CCDC171: variants seen among roughly 807,000 people sequenced by gnomAD.
CCDC171 encodes coiled-coil domain containing 171.
A neutral mutation model predicts 168.2 loss-of-function variants in CCDC171; 177 were observed. The ratio of observed to expected loss-of-function variants is 1.05; its 90% CI spans 0.93 to 1.19. The LOEUF (loss-of-function observed/expected upper bound fraction) is 1.19, where lower values mean the gene tolerates loss of function less well. CCDC171 is among the 50% of genes most tolerant of loss of function. CCDC171 has a pLI of 0.00. For missense variants in CCDC171, 1,991 were observed against 1,539.0 expected (o/e 1.29, Z -4.91); for synonymous variants, 687 against 540.8 (o/e 1.27, Z -3.75).
At chr9:15,877,862 C>A (rs1009385695) in intron 24 of CCDC171, among the ~76,000 whole-genome samples, 1 of 152,048 alleles carries the variant, frequency 6.6e-6, no homozygotes, top group Non-Finnish European at 1.5e-5. Context: ...TAATAACTGG[C>A]AAATATTAGT....
At chr9:15,895,465 C>G (rs923274768) in intron 24 of CCDC171, among the ~76,000 whole-genome samples, 17 of 152,084 alleles carry the variant, frequency 1.1e-4, no homozygotes, top group African/African-American at 3.9e-4. Context: ...CAGAGGTGGA[C>G]TGCCTGAATT....
chr9:15,624,957 C>G (rs1314438431), intron 7 of CCDC171, among the ~76,000 whole-genome samples: 1 of 152,194 alleles, frequency 6.6e-6, no homozygotes, highest in Non-Finnish European at 1.5e-5. Context: ...CCTATTTCTC[C>G]ACATCCTCTC....
intron 18 of CCDC171, among the ~76,000 whole-genome samples, chr9:15,766,728 T>C (rs1202880372): frequency 6.7e-6 from 1 of 150,322 alleles, no homozygotes; most frequent in Non-Finnish European, 1.5e-5. Context: ...CAATCATAGC[T>C]CACTGCAGCT....
intron 7 of CCDC171, among the ~76,000 whole-genome samples, chr9:15,640,348 T>C (rs974389588): frequency 2.6e-5 from 4 of 152,092 alleles, no homozygotes; most frequent in Non-Finnish European, 5.9e-5. Context: ...GAGTTGTTTT[T>C]CTAATGTACT....
the CCDC171 span, among the ~76,000 whole-genome samples, chr9:16,096,842 G>A: frequency 1.3e-5 from 2 of 152,186 alleles, no homozygotes; most frequent in Non-Finnish European, 2.9e-5. Flanking sequence ...ACACTTTGTA[G>A]ATAGTACTTT....
At chr9:15,953,470 G>T (rs1487433263) in intron 25 of CCDC171, among the ~76,000 whole-genome samples, 2 of 152,072 alleles carry the variant, frequency 1.3e-5, no homozygotes, top group African/African-American at 4.8e-5. Flanking sequence ...TGTTACTGTG[G>T]TGTATCACAT....
chr9:15,819,488 G>T (rs530325632), intron 21 of CCDC171, among the ~76,000 whole-genome samples: 1 of 117,208 alleles, frequency 8.5e-6, no homozygotes, highest in Admixed American at 8.1e-5. Flanking sequence ...TAAAGGGATG[G>T]AGGAAGATCT....
At chr9:15,661,114 A>C (rs554022657) in intron 8 of CCDC171, among the ~76,000 whole-genome samples, 1 of 152,166 alleles carries the variant, frequency 6.6e-6, no homozygotes, top group Non-Finnish European at 1.5e-5. Context: ...CCCCATCCCT[A>C]CTAAAAATAC....
At chr9:16,092,853 AGCT>A in the CCDC171 span, among the ~76,000 whole-genome samples, 2 of 151,980 alleles carry the variant, frequency 1.3e-5, no homozygotes, top group Non-Finnish European at 2.9e-5. Context: ...GGTGGGTGGG[AGCT>A]GGCTGAAGCC....
At chr9:15,992,782 C>T (rs191082256) in intron 3 of CCDC171, among the ~76,000 whole-genome samples, 1 of 152,276 alleles carries the variant, frequency 6.6e-6, no homozygotes, top group East Asian at 1.9e-4. Flanking sequence ...AAATCACAAG[C>T]ATTCTTATAC....
In CCDC171 at chr9:15,643,201, A is replaced by G. The variant is rs549725923; in HGVS notation, c.823-13926A>G. On this transcript the variant is annotated intron_variant, in intron 7 of 25. Transcript: ENST00000380701. ...TCATTTATTCTCAATCCTATGGGCTATTTCCTTGTGACTGGCTAGACTTTT... is the reference window on the plus strand; with the variant it reads ...TCATTTATTCTCAATCCTATGGGCTGTTTCCTTGTGACTGGCTAGACTTTT... Among the ~76,000 whole-genome samples the G allele has an allele frequency of 2.6e-5, 4 of 152,114 alleles. No individual in the cohort carries two copies. In the East Asian group the frequency reaches 7.7e-4, roughly 29 times the overall value.
intron 8 of CCDC171, among the ~76,000 whole-genome samples, chr9:15,659,387 T>C (rs1350326871): frequency 6.6e-6 from 1 of 152,220 alleles, no homozygotes; most frequent in African/African-American, 2.4e-5. Context: ...TTTGATAATA[T>C]GCTTTAAAAT....
intron 24 of CCDC171, chr9:15,874,912 A>G: frequency 7.3e-6 from 2 of 273,398 alleles, no homozygotes; most frequent in Non-Finnish European, 1.3e-5. Flanking sequence ...GTTTTATGGC[A>G]AAGTACAGTA....
At chr9:15,674,875 T>C (rs1473491307) in intron 9 of CCDC171, among the ~76,000 whole-genome samples, 2 of 152,186 alleles carry the variant, frequency 1.3e-5, no homozygotes. Flanking sequence ...GTCTGTTAGG[T>C]CTGCTTGGTG....
intron 6 of CCDC171, among the ~76,000 whole-genome samples, chr9:15,597,110 C>T (rs1413559506): frequency 6.6e-6 from 1 of 152,032 alleles, no homozygotes; most frequent in East Asian, 1.9e-4. Flanking sequence ...ATTTGACTTC[C>T]TCTTTTCCTA....
At chr9:15,909,401 T>TACAC (rs57910855) in intron 24 of CCDC171, among the ~76,000 whole-genome samples, 8 of 140,884 alleles carry the variant, frequency 5.7e-5, no homozygotes, top group Non-Finnish European at 8.3e-5. Context: ...TACATGTGCG[T>TACAC]ACACACACAC....
At chr9:16,059,810 G>A (rs1227716117) in intron 1 of CCDC171, among the ~76,000 whole-genome samples, 1 of 151,630 alleles carries the variant, frequency 6.6e-6, no homozygotes, top group South Asian at 2.1e-4. Context: ...CACCGCGCCT[G>A]GCCTTTTTTT....
At chr9:15,730,874 G>A (rs1382766448) in intron 16 of CCDC171, among the ~76,000 whole-genome samples, 1 of 151,906 alleles carries the variant, frequency 6.6e-6, no homozygotes, top group African/African-American at 2.4e-5. Context: ...TTTTGTAGAG[G>A]TAGCATTGAT....
chr9:15,720,742 A>G (rs1323798319), intron 11 of CCDC171, among the ~76,000 whole-genome samples: 1 of 152,192 alleles, frequency 6.6e-6, no homozygotes, highest in Non-Finnish European at 1.5e-5. Context: ...CACAATGTGC[A>G]GGTTTGTTCC....
Sources: gnomAD v4.1 joint callset for allele counts (sites outside exome capture counted in the v4.1 genomes callset) on GRCh38, gnomAD v4.1.1 for gene constraint, MANE v1.5 for transcripts, NCBI Gene and HGNC (gene_info 2026-07-23, HGNC 2026-07-21) for gene names.